RTN4: variants seen among roughly 807,000 people sequenced by gnomAD.
The protein encoded by RTN4 is reticulon 4, also known as reticulon-4.
In RTN4, 32 loss-of-function variants were observed where a neutral mutation model predicts 90.4. The ratio of observed to expected loss-of-function variants is 0.35; its 90% CI spans 0.27 to 0.48. The LOEUF (loss-of-function observed/expected upper bound fraction) is 0.48, where lower values mean the gene tolerates loss of function less well. RTN4 is among the 20% of genes least tolerant of loss of function. RTN4 has a pLI of 0.99. For missense variants in RTN4, 1,706 were observed against 1,430.2 expected (o/e 1.19, Z -3.11); for synonymous variants, 629 against 552.5 (o/e 1.14, Z -1.94).
chr2:55,055,264 A>G (rs531922280), upstream of RTN4, among the ~76,000 whole-genome samples: 10 of 151,802 alleles, frequency 6.6e-5, no homozygotes, highest in Admixed American at 4.6e-4. Context: ...AAGACATCCT[A>G]TGCTGTCTTA....
At position 54,973,630 on chromosome 2, in the gene RTN4, G is replaced by A. The variant is rs200798238; in HGVS notation, c.3478-9C>T. On this transcript the variant is annotated splice_polypyrimidine_tract_variant and intron_variant, in intron 7 of 8. Coordinates refer to ENST00000337526, the MANE Select transcript of RTN4 (RefSeq NM_020532.5). ...TAATGATCTATCTGTGCCTGAAAGA[G>A]AGGTATAAAGGAATTATTACCGTTG... The A allele has an allele frequency of 4.4e-4, 700 of 1,603,036 alleles. No individual in the cohort carries two copies. Among genetic ancestry groups the A allele is most frequent in the Non-Finnish European group, 5.7e-4 (672 of 1,170,160 alleles).
chr2:55,083,807 T>C (rs937738809), intron 1 of RTN4, among the ~76,000 whole-genome samples: 1 of 152,176 alleles, frequency 6.6e-6, no homozygotes, highest in Non-Finnish European at 1.5e-5. Context: ...AGAAGAAGCA[T>C]ATATTTGGTC....
At chr2:55,044,419 C>CA (rs1056134892) in intron 1 of RTN4, among the ~76,000 whole-genome samples, 2 of 150,992 alleles carry the variant, frequency 1.3e-5, no homozygotes, top group African/African-American at 4.9e-5. Flanking sequence ...AACAAACAAA[C>CA]AAAAAAACTT....
intron 2 of RTN4, among the ~76,000 whole-genome samples, chr2:55,068,399 C>A (rs1396710829): frequency 6.6e-6 from 1 of 152,014 alleles, no homozygotes; most frequent in Non-Finnish European, 1.5e-5. Context: ...ATTTTAAAAT[C>A]ATATTAATCA....
At chr2:55,091,889 A>C (rs1355212986) in intron 1 of RTN4, among the ~76,000 whole-genome samples, 1 of 152,086 alleles carries the variant, frequency 6.6e-6, no homozygotes, top group Non-Finnish European at 1.5e-5. Flanking sequence ...TAAATCCATC[A>C]GCTCTCGTGA....
upstream of RTN4, among the ~76,000 whole-genome samples, chr2:55,113,329 T>TGGGGC (rs1558885301): frequency 6.6e-6 from 1 of 152,220 alleles, no homozygotes; most frequent in Non-Finnish European, 1.5e-5. Context: ...CTGTGGTTTC[T>TGGGGC]ACAGACTGGG....
In RTN4 at chr2:55,049,749, T is replaced by A; in HGVS notation, c.552A>T (p.Ser184=). ...AAPKRRGSSG[S]VDETLFALPA... is the part of the protein sequence containing the mutation. ...GCGAGAGGTCGCGGCACTCACCCAC[T>A]GAGCCCGAGGAGCCCCTGCGCTTGG... Residue 184 remains serine (S), a synonymous_variant, in exon 1 of 9, where the codon TCA becomes TCT. Coordinates refer to ENST00000337526, the MANE Select transcript of RTN4 (RefSeq NM_020532.5). 2.2e-6 allele frequency: 3 copies of A among 1,356,718 alleles called. No individual in the cohort carries two copies. The highest frequency in any genetic ancestry group is 3.5e-5 in the Admixed American group (1 of 28,832). The allele number at this position is 1,356,718 out of a possible 1,614,324, so 84.0% of individuals were successfully genotyped here.
chr2:55,102,358 T>C (rs1163666657), intron 1 of RTN4, among the ~76,000 whole-genome samples: 1 of 152,178 alleles, frequency 6.6e-6, no homozygotes, highest in African/African-American at 2.4e-5. Context: ...TTAGGATTTG[T>C]GGACCATGGA....
chr2:55,061,797 A>ACCC (rs1256389380), intron 2 of RTN4, among the ~76,000 whole-genome samples: 1 of 151,716 alleles, frequency 6.6e-6, no homozygotes, highest in East Asian at 1.9e-4. Flanking sequence ...CGAGGGCTCC[A>ACCC]CCCCCGGTCC....
At chr2:55,073,708 G>A (rs1668553061) in intron 2 of RTN4, among the ~76,000 whole-genome samples, 1 of 152,186 alleles carries the variant, frequency 6.6e-6, no homozygotes, top group Non-Finnish European at 1.5e-5. Context: ...ATGGCTTTCT[G>A]GGGACATTTG....
At chr2:55,101,201 G>C (rs139373588) in intron 1 of RTN4, among the ~76,000 whole-genome samples, 63 of 152,010 alleles carry the variant, frequency 4.1e-4, no homozygotes, top group African/African-American at 1.4e-3. Context: ...GTTGTTAATA[G>C]GGATTATCTC....
chr2:55,124,419 G>T, the RTN4 span, among the ~76,000 whole-genome samples: 1 of 152,278 alleles, frequency 6.6e-6, no homozygotes, highest in East Asian at 1.9e-4. Context: ...ACAAAGAGGT[G>T]GCCTTCAAAC....
rs1440270523 is a variant in RTN4 at position 54,974,708 on chromosome 2, T to C, written c.3417A>G (p.Thr1139=). 2.5e-6 allele frequency: 4 copies of C among 1,613,734 alleles called. No homozygotes were observed. Among genetic ancestry groups the C allele is most frequent in the East Asian group, 4.5e-5 (2 of 44,882 alleles). ...TYVGALFNGL[T]LLILALISLF... ...TTGTAGACTTACCCAAAATCAGTAG[T>C]GTCAGACCATTAAACAAGGCACCAA... is the stretch of plus-strand genomic sequence containing the variant. The change falls in exon 6 of 9, where the codon ACA becomes ACG. Residue 1139 remains threonine (T), a synonymous_variant. Transcript: ENST00000337526.
the RTN4 span, among the ~76,000 whole-genome samples, chr2:55,125,482 A>G: frequency 6.6e-6 from 1 of 152,224 alleles, no homozygotes; most frequent in African/African-American, 2.4e-5. Flanking sequence ...AAGAAGACAT[A>G]TGGCCGGGTG....
At chr2:55,103,745 A>T (rs1667893947) in intron 1 of RTN4, among the ~76,000 whole-genome samples, 1 of 152,038 alleles carries the variant, frequency 6.6e-6, no homozygotes. Flanking sequence ...CCCAGAGTGG[A>T]GTGCAGTGGT....
chr2:55,041,192 G>A (rs575847445), intron 1 of RTN4, among the ~76,000 whole-genome samples: 44 of 151,848 alleles, frequency 2.9e-4, no homozygotes, highest in African/African-American at 1.1e-3. Context: ...ATGTTACAAG[G>A]AGGCTAGAAT....
chr2:55,027,698 C>G (rs1682012376), intron 2 of RTN4, among the ~76,000 whole-genome samples: 1 of 152,100 alleles, frequency 6.6e-6, no homozygotes, highest in African/African-American at 2.4e-5. Flanking sequence ...GCTACAGAGG[C>G]AATTACATGC....
chr2:55,084,648 T>C (rs1007204125), intron 1 of RTN4, among the ~76,000 whole-genome samples: 1 of 152,182 alleles, frequency 6.6e-6, no homozygotes, highest in Non-Finnish European at 1.5e-5. Context: ...GATTGAGCCC[T>C]TAACCTGTGG....
upstream of RTN4, among the ~76,000 whole-genome samples, chr2:55,051,253 A>G (rs1355044633): frequency 6.6e-6 from 1 of 152,174 alleles, no homozygotes; most frequent in Non-Finnish European, 1.5e-5. Context: ...CTGGACTCTT[A>G]CATGGTAAGA....
Sources: gnomAD v4.1 joint callset for allele counts (sites outside exome capture counted in the v4.1 genomes callset) on GRCh38, gnomAD v4.1.1 for gene constraint, MANE v1.5 for transcripts, NCBI Gene and HGNC (gene_info 2026-07-23, HGNC 2026-07-21) for gene names.